Variants in BLTP1 observed in about 807,000 individuals in gnomAD.
BLTP1 encodes fragile site-associated protein.
chr4:122,233,315 C>A, the BLTP1 span, among the ~76,000 whole-genome samples: 3 of 152,126 alleles, frequency 2.0e-5, no homozygotes, highest in Non-Finnish European at 4.4e-5. Context: ...TATTTTATGC[C>A]CACAATGATC....
At chr4:122,336,178 T>G in the BLTP1 span, 6 of 1,555,498 alleles carry the variant, frequency 3.9e-6, no homozygotes, top group Non-Finnish European at 5.2e-6. Context: ...AAATGGAATT[T>G]ATAAATGTTC....
the BLTP1 span, chr4:122,347,591 A>T: frequency 1.2e-6 from 2 of 1,613,810 alleles, no homozygotes; most frequent in Non-Finnish European, 1.7e-6. Flanking sequence ...TCATCAAGAA[A>T]AGCTTACTGC....
the BLTP1 span, among the ~76,000 whole-genome samples, chr4:122,165,555 C>T: frequency 7.8e-6 from 1 of 128,334 alleles, no homozygotes; most frequent in African/African-American, 2.6e-5. Context: ...GTCTTTATAG[C>T]AGCTTGTTTT....
At chr4:122,247,209 T>G in the BLTP1 span, 2 of 1,613,428 alleles carry the variant, frequency 1.2e-6, no homozygotes, top group Non-Finnish European at 1.7e-6. Flanking sequence ...GAACATCAAA[T>G]TTTGATAGGT....
chr4:122,170,379 A>G, the BLTP1 span: 32 of 960,866 alleles, frequency 3.3e-5, no homozygotes, highest in East Asian at 3.1e-3. Context: ...ATTGAACCTT[A>G]GTTAGTGCTT....
the BLTP1 span, chr4:122,347,183 CT>C: frequency 1.0e-6 from 1 of 984,444 alleles, no homozygotes; most frequent in Non-Finnish European, 1.2e-6. Context: ...CATTTGTCTG[CT>C]GGATTTAGAT....
At chr4:122,157,931 C>T in the BLTP1 span, among the ~76,000 whole-genome samples, 2 of 152,110 alleles carry the variant, frequency 1.3e-5, no homozygotes. Context: ...CACATGTGAC[C>T]ATTTTCCCCT....
the BLTP1 span, chr4:122,223,104 G>A: frequency 1.1e-6 from 1 of 913,256 alleles, no homozygotes; most frequent in African/African-American, 1.8e-5. Flanking sequence ...GGAGAAGTCA[G>A]GTGATTTTAT....
At chr4:122,298,577 A>T in the BLTP1 span, 1 of 814,772 alleles carries the variant, frequency 1.2e-6, no homozygotes, top group Non-Finnish European at 1.5e-6. Flanking sequence ...AGAACTTTAA[A>T]AACATATGAC....
At chr4:122,259,943 A>G in the BLTP1 span, 3 of 888,742 alleles carry the variant, frequency 3.4e-6, no homozygotes, top group Non-Finnish European at 4.0e-6. Context: ...TAATTTTGAC[A>G]ATATTAAATA....
chr4:122,255,337 C>A, the BLTP1 span: 1 of 1,226,380 alleles, frequency 8.2e-7, no homozygotes, highest in Non-Finnish European at 1.2e-6. Context: ...TGTTGGTGGA[C>A]CACTGATACA....
chr4:122,263,929 A>C, the BLTP1 span: 1 of 240,514 alleles, frequency 4.2e-6, no homozygotes, highest in Non-Finnish European at 6.7e-6. Context: ...GATAGTTTTA[A>C]TTTATCTAGA....
the BLTP1 span, chr4:122,238,338 A>G: frequency 5.6e-6 from 9 of 1,613,808 alleles, no homozygotes; most frequent in Admixed American, 6.7e-5. Flanking sequence ...AAAAGAGATG[A>G]TGGCCAAGCA....
At chr4:122,221,723 C>T in the BLTP1 span, 3 of 843,898 alleles carry the variant, frequency 3.6e-6, no homozygotes, top group Non-Finnish European at 4.3e-6. Context: ...TCATTAGAAT[C>T]GGTTGTTTTT....
At chr4:122,227,142 A>G in the BLTP1 span, 1 of 928,686 alleles carries the variant, frequency 1.1e-6, no homozygotes, top group South Asian at 4.5e-5. Context: ...CTATATATTT[A>G]TGTAGAAGAT....
the BLTP1 span, chr4:122,254,354 GT>G: frequency 6.3e-7 from 1 of 1,583,654 alleles, no homozygotes; most frequent in Non-Finnish European, 8.7e-7. Flanking sequence ...TAGGTAAAGA[GT>G]TTTTAAAATA....
the BLTP1 span, among the ~76,000 whole-genome samples, chr4:122,154,648 C>T: frequency 0.031 from 4,775 of 152,116 alleles, 127 homozygotes; most frequent in East Asian, 0.14. Flanking sequence ...CCGAGGCGGG[C>T]GGATCACAAG....
the BLTP1 span, among the ~76,000 whole-genome samples, chr4:122,212,483 A>T: frequency 4.6e-5 from 7 of 152,274 alleles, no homozygotes; most frequent in African/African-American, 1.7e-4. Flanking sequence ...ATTTTACTTA[A>T]ATATAAGTAA....
chr4:122,234,719 C>T, the BLTP1 span: 5 of 1,522,488 alleles, frequency 3.3e-6, no homozygotes, highest in East Asian at 2.3e-5. Flanking sequence ...TTTTTCATTT[C>T]TTAATGATTT....
Sources: gnomAD v4.1 joint callset for allele counts (sites outside exome capture counted in the v4.1 genomes callset) on GRCh38, gnomAD v4.1.1 for gene constraint, MANE v1.5 for transcripts, NCBI Gene and HGNC (gene_info 2026-07-23, HGNC 2026-07-21) for gene names.